DNAAF8: variants seen among roughly 807,000 people sequenced by gnomAD.
The protein encoded by DNAAF8 is dynein axonemal-associated protein 1.
In DNAAF8, 61 loss-of-function variants were observed where a neutral mutation model predicts 54.6. That is an observed-to-expected ratio of 1.12 (90% confidence interval 0.91 to 1.38). The LOEUF (loss-of-function observed/expected upper bound fraction) is 1.38. Ranked by LOEUF, DNAAF8 falls within the 40% of genes most tolerant of loss-of-function variation. The probability of loss-of-function intolerance (pLI) is 0.00; values close to 1 mark genes in which losing one functional copy is unlikely to be tolerated. For missense variants in DNAAF8, 837 were observed against 665.0 expected (o/e 1.26, Z -2.85); for synonymous variants, 320 against 270.1 (o/e 1.18, Z -1.81).
intron 5 of DNAAF8, 149 bp from the exon 6 acceptor site, chr16:4,744,721 G>A: frequency 2.0e-6 from 2 of 983,186 alleles, no homozygotes; most frequent in Non-Finnish European, 2.9e-6. Flanking sequence ...TCCTCAGAGG[G>A]CTGAGTAGGG....
chr16:4,747,893 C>T (rs2082038122), intron 9 of DNAAF8, among the ~76,000 whole-genome samples: 1 of 152,162 alleles, frequency 6.6e-6, no homozygotes, highest in African/African-American at 2.4e-5. Context: ...GGGAGATGGG[C>T]AGGGACAGCA....
In DNAAF8 at chr16:4,747,696, G is replaced by A. The variant is rs997931699; in HGVS notation, c.*9+62G>A. 2.3e-5 allele frequency: 35 copies of A among 1,493,836 alleles called. No homozygotes were observed. In the South Asian group the frequency reaches 4.2e-4, roughly 18 times the overall value. The allele number at this position is 1,493,836 out of a possible 1,614,324, so 92.5% of individuals were successfully genotyped here. On this transcript the variant is annotated intron_variant, in intron 9 of 9. Coordinates refer to ENST00000299320, the MANE Select transcript of DNAAF8 (RefSeq NM_139170.3). Reference sequence around the variant, plus strand: ...CTTGCCATGGACCCTGGGCCCCGGTGTCCCCTTGTTGTTCCTGCATTTCCA... The same window carrying A: ...CTTGCCATGGACCCTGGGCCCCGGTATCCCCTTGTTGTTCCTGCATTTCCA...
At chr16:4,742,915 A>G in intron 4 of DNAAF8, 128 bp from the exon 5 acceptor site, 1 of 796,452 alleles carries the variant, frequency 1.3e-6, no homozygotes, top group East Asian at 2.6e-5. Context: ...TCTGTCATGC[A>G]CTGAATTCCT....
At chr16:4,746,780 C>G (rs757464800) in intron 7 of DNAAF8, 147 bp from the exon 8 acceptor site, 2 of 811,802 alleles carry the variant, frequency 2.5e-6, no homozygotes, top group Non-Finnish European at 3.8e-6. Flanking sequence ...CTGTCCTCAC[C>G]TCCTGGCAGG....
At position 4,736,590 on chromosome 16, in the gene DNAAF8, A is replaced by T; in HGVS notation, c.76A>T (p.Ile26Phe). 1.3e-6 allele frequency: 2 copies of T among 1,591,370 alleles called. No individual in the cohort carries two copies. Among genetic ancestry groups the T allele is most frequent in the East Asian group, 2.3e-5 (1 of 44,078 alleles). Residue 26 changes from isoleucine (I) to phenylalanine (F), a missense_variant, in exon 2 of 10, where the codon ATC (isoleucine) becomes TTC (phenylalanine). Transcript: ENST00000299320. The part of the protein sequence containing the change: ...WASQMGPWDA[I>F]LKAVKDQLPS... ...CTCCCAGATGGGGCCCTGGGATGCC[A>T]TCCTCAAGGCTGTCAAAGACCAGCT...
intron 2 of DNAAF8, among the ~76,000 whole-genome samples, 171 bp downstream of exon 2, chr16:4,736,814 TG>T (rs1013212131): frequency 6.6e-6 from 1 of 152,190 alleles, no homozygotes; most frequent in Non-Finnish European, 1.5e-5. Context: ...GTTTTCTGGG[TG>T]CCTATTTCCT....
At chr16:4,738,619 AC>A (rs1369828841) in intron 3 of DNAAF8, among the ~76,000 whole-genome samples, 3 of 152,224 alleles carry the variant, frequency 2.0e-5, no homozygotes, top group Non-Finnish European at 4.4e-5. Context: ...ACAGTGGCTC[AC>A]GCCTGTAATC....
chr16:4,741,406 T>A (rs1237507447), intron 4 of DNAAF8, among the ~76,000 whole-genome samples: 1 of 152,176 alleles, frequency 6.6e-6, no homozygotes, highest in Non-Finnish European at 1.5e-5. Context: ...ATGAAAGCCC[T>A]CATTCTCATA....
At position 4,743,096 on chromosome 16, in the gene DNAAF8, A is replaced by C; in HGVS notation, c.837A>C (p.Glu279Asp). Residue 279 changes from glutamate to aspartate, a missense_variant, in exon 5 of 10, where the codon GAA becomes GAC. Glu to Asp is a conservative substitution (Grantham distance 45). Transcript: ENST00000299320. ...DDILQSLAGQ[E>D]DNQGNRAPGT... Reference sequence around the variant, plus strand: ...TCCTTCAGAGTCTGGCGGGACAAGAAGACAACCAGGGAAATCGTGCACCTG... The same window carrying C: ...TCCTTCAGAGTCTGGCGGGACAAGACGACAACCAGGGAAATCGTGCACCTG... 2 of 1,612,784 alleles carry C rather than the reference A, an allele frequency of 1.2e-6. No homozygotes were observed. The highest frequency in any genetic ancestry group is 1.1e-5 in the South Asian group (1 of 90,892).
chr16:4,747,640 G>C lies in DNAAF8; in HGVS notation c.*9+6G>C. 1.9e-6 allele frequency: 3 copies of C among 1,592,856 alleles called. No individual in the cohort carries two copies. Among genetic ancestry groups the C allele is most frequent in the Non-Finnish European group, 2.6e-6 (3 of 1,166,808 alleles). On this transcript the variant is annotated splice_donor_region_variant and intron_variant, in intron 9 of 9. Coordinates refer to ENST00000299320, the MANE Select transcript of DNAAF8 (RefSeq NM_139170.3). ...AGCAACTATAGCTGCCTCAGGTAGT[G>C]GGATCCCAGGAGTGGGCAGGGGCGG...
chr16:4,742,490 G>T (rs2081969369), intron 4 of DNAAF8, among the ~76,000 whole-genome samples: 1 of 149,006 alleles, frequency 6.7e-6, no homozygotes, highest in South Asian at 2.1e-4. Context: ...ATCACCTGAG[G>T]TCAGGTGTTT....
intron 5 of DNAAF8, among the ~76,000 whole-genome samples, chr16:4,744,076 C>T (rs1182901114): frequency 2.6e-5 from 4 of 151,712 alleles, no homozygotes; most frequent in Admixed American, 6.6e-5. Context: ...ATTACAGGCA[C>T]GTGCCACCAC....
intron 6 of DNAAF8, 107 bp downstream of exon 6, chr16:4,745,118 TCA>T: frequency 7.3e-7 from 1 of 1,376,182 alleles, no homozygotes. Context: ...GTGCATTTTC[TCA>T]GTCACTCTCA....
At position 4,736,534 on chromosome 16, in the gene DNAAF8, G is replaced by C; in HGVS notation, c.20G>C (p.Gly7Ala). The C allele has an allele frequency of 6.4e-7, 1 of 1,566,916 alleles. No homozygotes were observed. The highest frequency in any genetic ancestry group is 1.2e-5 in the South Asian group (1 of 85,024). The change falls in exon 2 of 10, where the codon GGC becomes GCC. Residue 7 changes from glycine to alanine, a missense_variant. Coordinates refer to ENST00000299320, the MANE Select transcript of DNAAF8 (RefSeq NM_139170.3). MASNDK[G>A]MAPSLGSPWA... ...GCCCTCATGGCATCCAACGATAAAG[G>C]CATGGCACCCTCGCTGGGCTCTCCC...
At position 4,746,516 on chromosome 16, in the gene DNAAF8, C is replaced by T. The variant is rs112152072; in HGVS notation, c.1181+4C>T. ...CAGACCACCTGTCCCCAGAAAGGTC[C>T]GGAGGGCAGTGACTACCCCATACCA... On this transcript the variant is annotated splice_donor_region_variant and intron_variant, in intron 7 of 9. Transcript: ENST00000299320. The T allele has an allele frequency of 9.2e-3, 14,867 of 1,612,374 alleles. 103 individuals are homozygous for T. Among genetic ancestry groups the T allele is most frequent in the Non-Finnish European group, 0.011 (12,997 of 1,179,418 alleles).
In DNAAF8 at chr16:4,736,031, G is replaced by C. The variant is rs191047866; in HGVS notation, c.-51-433G>C. Among the ~76,000 whole-genome samples, 1,031 of 139,926 alleles carry C rather than the reference G, an allele frequency of 7.4e-3. 12 individuals are homozygous for C. The highest frequency in any genetic ancestry group is 0.033 in the African/African-American group (986 of 30,078). The allele number at this position is 139,926 out of a possible 152,430, so 91.8% of individuals were successfully genotyped here. Reference sequence around the variant, plus strand: ...GGTAGTAGGACTTGAAATTCCCCCTGATTCAGAGTCCACTGTTGCTATTTA... The same window carrying C: ...GGTAGTAGGACTTGAAATTCCCCCTCATTCAGAGTCCACTGTTGCTATTTA... On this transcript the variant is annotated intron_variant, in intron 1 of 9. Transcript: ENST00000299320.
At chr16:4,747,136 C>G in intron 8 of DNAAF8, 111 bp downstream of exon 8, 1 of 1,234,808 alleles carries the variant, frequency 8.1e-7, no homozygotes, top group South Asian at 1.5e-5. Flanking sequence ...CTGCACCCAC[C>G]GCACAGGGTG....
intron 5 of DNAAF8, 81 bp from the exon 6 acceptor site, chr16:4,744,789 A>AG: frequency 6.7e-7 from 1 of 1,496,612 alleles, no homozygotes; most frequent in Non-Finnish European, 9.1e-7. Flanking sequence ...TGGAGACCCC[A>AG]GGGGTCCTGA....
chr16:4,743,428 C>T, intron 5 of DNAAF8: 1 of 297,860 alleles, frequency 3.4e-6, no homozygotes, highest in South Asian at 7.7e-5. Flanking sequence ...TGACCCATAC[C>T]TCCTCTTCCC....
Sources: allele counts gnomAD v4.1 joint callset (sites outside exome capture counted in the v4.1 genomes callset), GRCh38; gene constraint gnomAD v4.1.1; transcripts MANE v1.5; gene names NCBI Gene and HGNC (gene_info 2026-07-23, HGNC 2026-07-21).